Variants in EIF4E observed in about 807,000 individuals in gnomAD.
EIF4E encodes eIF-4F 25 kDa subunit.
For synonymous variants in EIF4E, 71 were observed against 88.5 expected, an observed-to-expected ratio of 0.80 and a Z score of 1.11; for missense variants, 113 against 265.6, an observed-to-expected ratio of 0.43 and a Z score of 3.99.
intron 1 of EIF4E, chr4:98,909,669 G>A (rs1188177095): frequency 1.4e-6 from 1 of 711,684 alleles, no homozygotes; most frequent in Admixed American, 2.0e-5. Flanking sequence ...GGCAAACAAG[G>A]CTTATCACCT....
chr4:98,918,495 A>C (rs1363618357), intron 1 of EIF4E, among the ~76,000 whole-genome samples: 1 of 152,164 alleles, frequency 6.6e-6, no homozygotes, highest in Admixed American at 6.5e-5. Flanking sequence ...GCAGCCTGAA[A>C]ACCAACTATA....
chr4:98,927,822 C>T (rs1490642938), intron 1 of EIF4E, among the ~76,000 whole-genome samples: 1 of 152,040 alleles, frequency 6.6e-6, no homozygotes, highest in Non-Finnish European at 1.5e-5. Context: ...TGCTAATAAA[C>T]CCCATTATGC....
chr4:98,903,306 G>A (rs1724726304), intron 1 of EIF4E: 3 of 405,258 alleles, frequency 7.4e-6, no homozygotes, highest in South Asian at 1.8e-5. Context: ...AATATTTATT[G>A]TCTAAAAGAA....
chr4:98,920,986 G>A (rs1446778966), intron 1 of EIF4E, among the ~76,000 whole-genome samples: 1 of 152,082 alleles, frequency 6.6e-6, no homozygotes, highest in Non-Finnish European at 1.5e-5. Context: ...TCAGGTTTGA[G>A]TTCTCTCTCA....
chr4:98,906,642 C>A (rs144867913), intron 1 of EIF4E, among the ~76,000 whole-genome samples: 87 of 152,234 alleles, frequency 5.7e-4, no homozygotes, highest in African/African-American at 2.0e-3. Context: ...TCCAGGAGTT[C>A]TAAGGCTGCG....
chr4:98,908,348 C>T (rs1394522024), intron 1 of EIF4E, among the ~76,000 whole-genome samples: 1 of 152,198 alleles, frequency 6.6e-6, no homozygotes, highest in African/African-American at 2.4e-5. Flanking sequence ...TCGGTCAATG[C>T]TACAGCACCA....
chr4:98,890,899 C>T (rs1219533759), intron 3 of EIF4E: 1 of 309,402 alleles, frequency 3.2e-6, no homozygotes, highest in Non-Finnish European at 6.0e-6. Context: ...GACCCAACAA[C>T]GCACTGCAAT....
chr4:98,880,449 A>G lies in EIF4E; in HGVS notation c.*579T>C, dbSNP rs1211640696. On this transcript the variant is annotated 3_prime_UTR_variant, in exon 7 of 7. Coordinates refer to ENST00000450253, the MANE Select transcript of EIF4E (RefSeq NM_001968.5). ...TTCACCAATGTTACATGAGGAAAAA[A>G]ACAAAAGCAAAACAAATGAAAAACT... The G allele has an allele frequency of 2.4e-5, 2 of 83,632 alleles. No individual in the cohort carries two copies. Among genetic ancestry groups the G allele is most frequent in the Non-Finnish European group, 4.7e-5 (2 of 42,502 alleles). 5.2% of individuals were successfully genotyped at this position (83,632 alleles called of 1,614,324 possible). A position where few individuals can be genotyped will look rare whatever the true frequency, so the allele number is the denominator to read the frequency against.
Position 98,892,904 on chromosome 4 carries a change from CT to C in EIF4E, c.126-1573del, listed in dbSNP as rs377249235. On this transcript the variant is annotated intron_variant, in intron 2 of 6. Transcript: ENST00000450253. ...AGTTTTAATATATCTGTATATACTT[CT>C]CTTAAAATAGTTTTATTCCTACATA... 1.1e-3 allele frequency among the ~76,000 whole-genome samples: 162 copies of C among 152,214 alleles called. 3 individuals carry two copies. In the East Asian group the frequency reaches 0.024, roughly 22 times the overall value.
intron 2 of EIF4E, among the ~76,000 whole-genome samples, chr4:98,892,236 C>T (rs892677788): frequency 1.3e-5 from 2 of 148,862 alleles, no homozygotes. Context: ...TTCCCAGCTA[C>T]TTGGGAGGCT....
At chr4:98,889,436 G>C (rs1362704445) in intron 3 of EIF4E, among the ~76,000 whole-genome samples, 2 of 152,096 alleles carry the variant, frequency 1.3e-5, no homozygotes, top group Non-Finnish European at 2.9e-5. Context: ...CCCTTTTGCT[G>C]CCTCCTTTCT....
At chr4:98,894,261 T>C (rs747723293) in intron 2 of EIF4E, among the ~76,000 whole-genome samples, 16 of 152,230 alleles carry the variant, frequency 1.1e-4, no homozygotes, top group East Asian at 1.9e-4. Flanking sequence ...CTTAAAGTCA[T>C]TGGCTGCAAG....
intron 1 of EIF4E, among the ~76,000 whole-genome samples, chr4:98,911,030 G>C (rs1725102305): frequency 6.7e-6 from 1 of 150,196 alleles, no homozygotes; most frequent in African/African-American, 2.5e-5. Flanking sequence ...CACCGCACCA[G>C]GCCTAAAACT....
At chr4:98,916,655 C>T (rs1664783520) in intron 1 of EIF4E, among the ~76,000 whole-genome samples, 1 of 152,088 alleles carries the variant, frequency 6.6e-6, no homozygotes, top group Admixed American at 6.6e-5. Flanking sequence ...TAATTTTTAG[C>T]TACCAGAATA....
intron 1 of EIF4E, among the ~76,000 whole-genome samples, chr4:98,911,645 G>C (rs1474193257): frequency 9.9e-6 from 1 of 100,932 alleles, no homozygotes; most frequent in Admixed American, 1.5e-4. Context: ...TGGGCAACAA[G>C]AGCGAAACTC....
chr4:98,924,835 C>T (rs1028319756), intron 1 of EIF4E, among the ~76,000 whole-genome samples: 1 of 151,276 alleles, frequency 6.6e-6, no homozygotes, highest in African/African-American at 2.4e-5. Flanking sequence ...TCAAGTGATC[C>T]CCACCCGCCT....
intron 1 of EIF4E, among the ~76,000 whole-genome samples, chr4:98,915,723 G>T (rs1334938235): frequency 6.6e-6 from 1 of 151,382 alleles, no homozygotes; most frequent in Admixed American, 6.6e-5. Flanking sequence ...TGTATTTTTA[G>T]TAGAGATGGG....
At chr4:98,894,482 C>T (rs905530526) in intron 2 of EIF4E, among the ~76,000 whole-genome samples, 1 of 152,230 alleles carries the variant, frequency 6.6e-6, no homozygotes, top group African/African-American at 2.4e-5. Context: ...GCCCTTGCTG[C>T]TTCACCTTGT....
intron 6 of EIF4E, among the ~76,000 whole-genome samples, chr4:98,884,381 A>C (rs1723822988): frequency 6.6e-6 from 1 of 152,204 alleles, no homozygotes; most frequent in African/African-American, 2.4e-5. Flanking sequence ...TTCACTGCTA[A>C]GAAAAAGCAA....
Sources: gnomAD v4.1 joint callset for allele counts (sites outside exome capture counted in the v4.1 genomes callset) on GRCh38, gnomAD v4.1.1 for gene constraint, MANE v1.5 for transcripts, NCBI Gene and HGNC (gene_info 2026-07-23, HGNC 2026-07-21) for gene names.